The following DOCK9 variants were observed in gnomAD, a reference collection of about 807,000 sequenced individuals.
DOCK9 encodes the protein dedicator of cytokinesis 9, also known as dedicator of cytokinesis protein 9.
In DOCK9, 89 loss-of-function variants were observed where a neutral mutation model predicts 263.3. The observed-to-expected ratio is 0.34, with a 90% CI of 0.28 to 0.40. The LOEUF is 0.40. DOCK9 is among the 10% of genes least tolerant of loss of function. The pLI, the probability that DOCK9 is intolerant of heterozygous loss-of-function variation, is 1.00. For missense variants in DOCK9, 2,140 were observed against 2,603.4 expected (o/e 0.82, Z 3.87); for synonymous variants, 976 against 973.1 (o/e 1.00, Z -0.06).
Position 99,047,983 on chromosome 13 carries a change from T to G in DOCK9, c.129+38240A>C, listed in dbSNP as rs551316444. ...AGCAGAGCTCCTAGGAGTCAAATCC[T>G]GGGCTCTGACACAAAGTTTCACCCT... On this transcript the variant is annotated intron_variant, in intron 1 of 32. Coordinates refer to the DOCK9 transcript ENST00000427887. Among the ~76,000 whole-genome samples the G allele has an allele frequency of 9.2e-5, 14 of 152,320 alleles. 1 individual carries two copies. The South Asian group carries it at 1.7e-3, about 18-fold the overall frequency.
chr13:99,070,209 G>C (rs1252384327), intron 1 of DOCK9, among the ~76,000 whole-genome samples: 1 of 152,158 alleles, frequency 6.6e-6, no homozygotes. Context: ...CAAGCACTAA[G>C]ATATACAAGT....
At chr13:98,796,107 C>T in intron 52 of DOCK9, 2 of 903,896 alleles carry the variant, frequency 2.2e-6, no homozygotes, top group Non-Finnish European at 3.5e-6. Context: ...TGCCCATGTA[C>T]TGTCATTATG....
chr13:98,996,451 T>C (rs1881054354), intron 1 of DOCK9, among the ~76,000 whole-genome samples: 1 of 152,228 alleles, frequency 6.6e-6, no homozygotes, highest in African/African-American at 2.4e-5. Context: ...AACTAACTCT[T>C]CACAAATGTA....
At chr13:98,898,076 C>G in intron 14 of DOCK9, 103 bp downstream of exon 14, 1 of 793,984 alleles carries the variant, frequency 1.3e-6, no homozygotes, top group Non-Finnish European at 2.0e-6. Context: ...CAGTTTTACA[C>G]ATTCAAATCC....
chr13:99,028,485 CAGG>C lies in DOCK9; in HGVS notation c.129+57735_129+57737del, dbSNP rs1232174202. On this transcript the variant is annotated intron_variant, in intron 1 of 32. Coordinates refer to the DOCK9 transcript ENST00000427887. Reference sequence around the variant, plus strand: ...TGCAAAAGAAACAAGGAACAGGTAACAGGAGAAGAAAGATACAAATCTCAACTA... The same window carrying C: ...TGCAAAAGAAACAAGGAACAGGTAACAGAAGAAAGATACAAATCTCAACTA... 7.2e-5 allele frequency among the ~76,000 whole-genome samples: 11 copies of C among 152,182 alleles called. No homozygotes were observed. In the South Asian group the frequency reaches 2.1e-3, roughly 29 times the overall value.
At chr13:98,848,570 G>A (rs750147373) in intron 37 of DOCK9, 22 bp downstream of exon 37, 15 of 1,606,770 alleles carry the variant, frequency 9.3e-6, no homozygotes, top group Admixed American at 5.1e-5. Context: ...AACACGTTTC[G>A]AATGAAAACG....
At chr13:98,813,727 C>T (rs922158702) in intron 45 of DOCK9, among the ~76,000 whole-genome samples, 84 of 152,254 alleles carry the variant, frequency 5.5e-4, no homozygotes, top group Non-Finnish European at 1.3e-4. Flanking sequence ...ACAACCTCTG[C>T]CTCCCGGGTT....
chr13:98,999,288 G>GCACACACACACACACACACACACACACA (rs1412789503), intron 1 of DOCK9, among the ~76,000 whole-genome samples: 2 of 137,592 alleles, frequency 1.5e-5, no homozygotes, highest in African/African-American at 2.9e-5. Flanking sequence ...ACGCATGCAC[G>GCACACACACACACACACACACACACACA]CGCACACACA....
intron 1 of DOCK9, among the ~76,000 whole-genome samples, chr13:99,053,233 A>G (rs2040782052): frequency 6.6e-6 from 1 of 152,244 alleles, no homozygotes; most frequent in Non-Finnish European, 1.5e-5. Context: ...AGCCACAGAG[A>G]TTTCAAGAGC....
At chr13:98,895,107 C>T (rs1215380333) in intron 15 of DOCK9, among the ~76,000 whole-genome samples, 7 of 147,056 alleles carry the variant, frequency 4.8e-5, no homozygotes, top group Non-Finnish European at 8.9e-5. Context: ...GATGGTGCCA[C>T]TGCACTCCAG....
intron 46 of DOCK9, among the ~76,000 whole-genome samples, chr13:98,809,760 T>C (rs931432137): frequency 2.0e-5 from 3 of 152,212 alleles, no homozygotes; most frequent in African/African-American, 7.2e-5. Flanking sequence ...GCCTTTGCTT[T>C]TCCTGCTCTG....
intron 38 of DOCK9, among the ~76,000 whole-genome samples, chr13:98,842,780 A>C (rs1317712999): frequency 2.0e-5 from 3 of 152,256 alleles, no homozygotes; most frequent in African/African-American, 7.2e-5. Flanking sequence ...ATTACACTAA[A>C]TATGTCAAGG....
At chr13:98,807,424 CA>C (rs1469718070) in intron 48 of DOCK9, among the ~76,000 whole-genome samples, 1 of 152,114 alleles carries the variant, frequency 6.6e-6, no homozygotes, top group Non-Finnish European at 1.5e-5. Context: ...CATATCCTGT[CA>C]GACGTTAATT....
intron 1 of DOCK9, among the ~76,000 whole-genome samples, chr13:99,033,707 C>T (rs1166926657): frequency 3.3e-5 from 5 of 152,130 alleles, no homozygotes; most frequent in East Asian, 3.8e-4. Context: ...GGCTTAAAGA[C>T]GGTTAAAGAC....
intron 1 of DOCK9, among the ~76,000 whole-genome samples, chr13:99,052,705 G>A (rs1460290652): frequency 4.0e-5 from 6 of 151,706 alleles, no homozygotes; most frequent in Admixed American, 3.9e-4. Context: ...GGCTCAAGTG[G>A]TCCTCCTACG....
intron 2 of DOCK9, among the ~76,000 whole-genome samples, chr13:98,947,651 G>T (rs1314445056): frequency 6.6e-6 from 1 of 151,388 alleles, no homozygotes; most frequent in Non-Finnish European, 1.5e-5. Context: ...GATTACAGGC[G>T]CCCGCCACTA....
intron 1 of DOCK9, among the ~76,000 whole-genome samples, chr13:98,972,838 A>G (rs79021876): frequency 0.072 from 10,986 of 152,302 alleles, 535 homozygotes; most frequent in Middle Eastern, 0.15. Flanking sequence ...TTCCAGAGGA[A>G]TGAACCCCTT....
rs1389688625 is a variant in DOCK9, at chr13:98,794,573, C to T, written c.*53G>A. The T allele has an allele frequency of 3.0e-5, 46 of 1,544,016 alleles. No homozygotes were observed. The highest frequency in any genetic ancestry group is 3.9e-5 in the Non-Finnish European group (44 of 1,142,158). ...CCCAGTGATTGGCTTTGGAAAGCAT[C>T]CTGAGTTTGCAAATGACAAAGCAAG... On this transcript the variant is annotated 3_prime_UTR_variant, in exon 53 of 53. Coordinates refer to ENST00000682017, the MANE Select transcript of DOCK9 (RefSeq NM_001366683.2).
chr13:98,963,232 A>G (rs1205034203), intron 1 of DOCK9, among the ~76,000 whole-genome samples: 1 of 152,104 alleles, frequency 6.6e-6, no homozygotes, highest in Non-Finnish European at 1.5e-5. Flanking sequence ...CCACCCTTCA[A>G]TCTCTTGGAA....
Sources: allele counts gnomAD v4.1 joint callset (sites outside exome capture counted in the v4.1 genomes callset), GRCh38; gene constraint gnomAD v4.1.1; transcripts MANE v1.5; gene names NCBI Gene and HGNC (gene_info 2026-07-23, HGNC 2026-07-21).